The following FAM83B variants were observed in gnomAD, a reference collection of about 807,000 sequenced individuals.
FAM83B encodes the protein scaffolding CK1 anchoring protein B.
A neutral mutation model predicts 38.8 loss-of-function variants in FAM83B; 26 were observed. The ratio of observed to expected loss-of-function variants is 0.67; its 90% CI spans 0.49 to 0.93. The LOEUF (loss-of-function observed/expected upper bound fraction) is 0.93, where lower values mean the gene tolerates loss of function less well. FAM83B is among the 40% of genes least tolerant of loss of function. FAM83B has a pLI of 0.00. For synonymous variants in FAM83B, 419 were observed against 423.1 expected (o/e 0.99, Z 0.12); for missense variants, 1,237 against 1,197.3 (o/e 1.03, Z -0.49).
At position 54,856,937 on chromosome 6, in the gene FAM83B, A is replaced by C. The variant is rs146487563; in HGVS notation, c.-61+10111A>C. Among the ~76,000 whole-genome samples, 696 of 152,296 alleles carry C rather than the reference A, an allele frequency of 4.6e-3. 9 individuals are homozygous for C. Among genetic ancestry groups the C allele is most frequent in the African/African-American group, 0.016 (673 of 41,560 alleles). ...AGATATATTATTAATATTTAATATT[A>C]TTTGGCATTCGAACTAAATAAATTT... On this transcript the variant is annotated intron_variant, in intron 1 of 4. Transcript: ENST00000306858.
At chr6:54,859,135 A>G (rs1272783928) in intron 1 of FAM83B, among the ~76,000 whole-genome samples, 1 of 150,030 alleles carries the variant, frequency 6.7e-6, no homozygotes, top group East Asian at 2.0e-4. Context: ...ATCTCAGCTC[A>G]CTGCAACCTC....
intron 2 of FAM83B, among the ~76,000 whole-genome samples, chr6:54,904,337 C>A (rs780762182): frequency 6.6e-6 from 1 of 152,118 alleles, no homozygotes; most frequent in Non-Finnish European, 1.5e-5. Flanking sequence ...TGATCTTCCA[C>A]AAGTTCTAAG....
chr6:54,873,275 ATTCT>A (rs1278733947), intron 2 of FAM83B, among the ~76,000 whole-genome samples: 1 of 152,140 alleles, frequency 6.6e-6, no homozygotes. Flanking sequence ...ATTTTGGAAG[ATTCT>A]TTATATGTCG....
chr6:54,882,636 C>T (rs1382745931), intron 2 of FAM83B, among the ~76,000 whole-genome samples: 2 of 152,160 alleles, frequency 1.3e-5, no homozygotes, highest in African/African-American at 4.8e-5. Context: ...TCCTGGTTAT[C>T]TGCCACATGG....
At chr6:54,874,258 T>C (rs1016749805) in intron 2 of FAM83B, among the ~76,000 whole-genome samples, 7 of 152,144 alleles carry the variant, frequency 4.6e-5, no homozygotes, top group Admixed American at 6.5e-5. Context: ...ATATTTTTTG[T>C]TTATTTGTTT....
chr6:54,884,459 G>T (rs1286241284), intron 2 of FAM83B, among the ~76,000 whole-genome samples: 2 of 144,488 alleles, frequency 1.4e-5, no homozygotes, highest in South Asian at 4.4e-4. Context: ...TCCAGCCTGT[G>T]CAACAGAGTG....
intron 2 of FAM83B, among the ~76,000 whole-genome samples, chr6:54,887,807 A>G (rs1772312766): frequency 6.6e-6 from 1 of 151,870 alleles, no homozygotes; most frequent in Admixed American, 6.6e-5. Flanking sequence ...AAACACACAC[A>G]CACACTATAC....
At chr6:54,893,009 TG>T (rs1364005998) in intron 2 of FAM83B, among the ~76,000 whole-genome samples, 1 of 152,080 alleles carries the variant, frequency 6.6e-6, no homozygotes, top group Non-Finnish European at 1.5e-5. Context: ...TAGAGGCTGT[TG>T]GGGTGAGGAG....
At chr6:54,851,838 G>A (rs933555007) in intron 1 of FAM83B, among the ~76,000 whole-genome samples, 1 of 151,404 alleles carries the variant, frequency 6.6e-6, no homozygotes, top group Non-Finnish European at 1.5e-5. Context: ...TAGTAGAGAC[G>A]GGGTTTCACC....
At chr6:54,869,758 C>T (rs1328319639) in intron 1 of FAM83B, among the ~76,000 whole-genome samples, 2 of 152,156 alleles carry the variant, frequency 1.3e-5, no homozygotes, top group South Asian at 2.1e-4. Context: ...GTATGGCTTT[C>T]TTCAAAGTGG....
chr6:54,896,252 A>C (rs539338847), intron 2 of FAM83B, among the ~76,000 whole-genome samples: 1 of 152,320 alleles, frequency 6.6e-6, no homozygotes, highest in African/African-American at 2.4e-5. Flanking sequence ...ATATCTCATC[A>C]ACTGATTATA....
At chr6:54,860,411 C>G (rs182295318) in intron 1 of FAM83B, among the ~76,000 whole-genome samples, 4 of 152,008 alleles carry the variant, frequency 2.6e-5, no homozygotes, top group African/African-American at 9.7e-5. Context: ...TGAGTTGTAT[C>G]CTTTATTGTA....
At chr6:54,857,087 CTAACA>C (rs1405133555) in intron 1 of FAM83B, among the ~76,000 whole-genome samples, 12 of 152,246 alleles carry the variant, frequency 7.9e-5, no homozygotes, top group African/African-American at 2.9e-4. Context: ...AAAGCTGTTC[CTAACA>C]TAACTAAACA....
chr6:54,913,638 A>G (rs1772967781), intron 2 of FAM83B, among the ~76,000 whole-genome samples: 1 of 152,084 alleles, frequency 6.6e-6, no homozygotes, highest in African/African-American at 2.4e-5. Flanking sequence ...ATACGAGTTA[A>G]AGAGAGATAA....
intron 1 of FAM83B, among the ~76,000 whole-genome samples, chr6:54,856,140 T>C (rs1417155195): frequency 6.6e-6 from 1 of 152,156 alleles, no homozygotes; most frequent in East Asian, 1.9e-4. Flanking sequence ...AGCCCTGTCT[T>C]TGAAATCAGT....
chr6:54,921,018 T>C (rs1349861172), intron 2 of FAM83B, among the ~76,000 whole-genome samples: 4 of 152,016 alleles, frequency 2.6e-5, no homozygotes, highest in Admixed American at 6.6e-5. Flanking sequence ...TTTAACTTTA[T>C]GTTAATTCAA....
intron 2 of FAM83B, among the ~76,000 whole-genome samples, chr6:54,920,151 C>T (rs934179440): frequency 6.6e-6 from 1 of 151,726 alleles, no homozygotes; most frequent in African/African-American, 2.4e-5. Flanking sequence ...GCCAAAGGTA[C>T]TTCTTTATAT....
At chr6:54,866,686 C>T (rs915794369) in intron 1 of FAM83B, among the ~76,000 whole-genome samples, 3 of 152,076 alleles carry the variant, frequency 2.0e-5, no homozygotes, top group South Asian at 2.1e-4. Context: ...TGTTGAAAGA[C>T]GTTTGGGTTG....
intron 2 of FAM83B, among the ~76,000 whole-genome samples, chr6:54,884,511 C>T (rs1382337094): frequency 1.3e-5 from 2 of 150,814 alleles, no homozygotes; most frequent in Non-Finnish European, 3.0e-5. Flanking sequence ...AAATATTTGC[C>T]TTCCCCAATA....
Sources: gnomAD v4.1 joint callset for allele counts (sites outside exome capture counted in the v4.1 genomes callset) on GRCh38, gnomAD v4.1.1 for gene constraint, MANE v1.5 for transcripts, NCBI Gene and HGNC (gene_info 2026-07-23, HGNC 2026-07-21) for gene names.